REEP3: variants seen among roughly 807,000 people sequenced by gnomAD.
The protein encoded by REEP3 is receptor expression-enhancing protein 3.
Under a neutral mutation model 41.3 loss-of-function variants are expected in REEP3, and 20 were observed. The observed-to-expected ratio is 0.48, with a 90% CI of 0.34 to 0.70. The LOEUF (loss-of-function observed/expected upper bound fraction) is 0.70, where lower values mean the gene tolerates loss of function less well. REEP3 is among the 30% of genes least tolerant of loss of function. The pLI is 0.01. For missense variants in REEP3, 271 were observed against 308.8 expected, an observed-to-expected ratio of 0.88 and a Z score of 0.92; for synonymous variants, 104 against 101.8, an observed-to-expected ratio of 1.02 and a Z score of -0.13.
chr10:63,532,094 G>A (rs1955426246), intron 1 of REEP3, among the ~76,000 whole-genome samples: 1 of 152,168 alleles, frequency 6.6e-6, no homozygotes. Context: ...ACAAGTTATA[G>A]TTTTTCCTGG....
At chr10:63,567,546 T>G (rs1403961458) in intron 2 of REEP3, among the ~76,000 whole-genome samples, 1 of 152,222 alleles carries the variant, frequency 6.6e-6, no homozygotes, top group Non-Finnish European at 1.5e-5. Context: ...CTGAGTAACA[T>G]TCTACTGTAT....
At chr10:63,569,096 C>G (rs1450154518) in intron 2 of REEP3, among the ~76,000 whole-genome samples, 6 of 152,110 alleles carry the variant, frequency 3.9e-5, no homozygotes, top group Non-Finnish European at 7.3e-5. Flanking sequence ...TTGTACAATT[C>G]CATAGACAAC....
At chr10:63,543,645 G>A (rs1399510561) in intron 1 of REEP3, among the ~76,000 whole-genome samples, 5 of 152,106 alleles carry the variant, frequency 3.3e-5, no homozygotes. Flanking sequence ...CCTATCCACA[G>A]TAAAGAAAGG....
intron 5 of REEP3, 55 bp from the exon 6 acceptor site, chr10:63,610,132 A>G (rs1956266436): frequency 1.4e-6 from 2 of 1,429,974 alleles, no homozygotes; most frequent in Admixed American, 4.2e-5. Flanking sequence ...AGGGATAGTT[A>G]AATGTAAGCA....
At chr10:63,599,141 AAACT>A in intron 4 of REEP3, 25 bp from the exon 5 acceptor site, 1 of 1,168,216 alleles carries the variant, frequency 8.6e-7, no homozygotes, top group Non-Finnish European at 1.2e-6. Context: ...TTTTTAAGTA[AAACT>A]AACATCTGTG....
chr10:63,545,410 C>G (rs1955567521), intron 1 of REEP3, among the ~76,000 whole-genome samples: 1 of 152,098 alleles, frequency 6.6e-6, no homozygotes, highest in Admixed American at 6.6e-5. Flanking sequence ...GAGTCTCGCT[C>G]TGTTGCCAGG....
intron 5 of REEP3, among the ~76,000 whole-genome samples, chr10:63,600,432 A>C (rs756192892): frequency 3.3e-5 from 5 of 152,222 alleles, no homozygotes; most frequent in Non-Finnish European, 7.3e-5. Flanking sequence ...TCAGCACTTT[A>C]ATATAGCATA....
rs546496702 is a variant in REEP3 at position 63,603,099 on chromosome 10, G to A, written c.417+3816G>A. Among the ~76,000 whole-genome samples, 127 of 150,810 alleles carry A rather than the reference G, an allele frequency of 8.4e-4. 1 individual carries two copies. Among genetic ancestry groups the A allele is most frequent in the Non-Finnish European group, 1.4e-3 (95 of 67,766 alleles). ...GAGGCTGAGGCGGGCGGATCACAAG[G>A]TCAGGAGATTGAGACCATCCTGGCT... On this transcript the variant is annotated intron_variant, in intron 5 of 7. Transcript: ENST00000373758.
chr10:63,618,331 C>T (rs535735895), intron 6 of REEP3, among the ~76,000 whole-genome samples: 19 of 149,232 alleles, frequency 1.3e-4, no homozygotes, highest in Non-Finnish European at 2.7e-4. Flanking sequence ...CTGCAAGCTC[C>T]GCCTCCCGGA....
At chr10:63,568,454 A>G (rs930289843) in intron 2 of REEP3, among the ~76,000 whole-genome samples, 2 of 151,934 alleles carry the variant, frequency 1.3e-5, no homozygotes, top group African/African-American at 4.8e-5. Flanking sequence ...TTTTTAATAC[A>G]GATGGGGTTT....
intron 2 of REEP3, among the ~76,000 whole-genome samples, chr10:63,576,041 T>C (rs1404051934): frequency 1.3e-5 from 2 of 152,246 alleles, no homozygotes; most frequent in Admixed American, 6.5e-5. Flanking sequence ...CCGGACATTT[T>C]CTTCTTTCTA....
At chr10:63,597,945 T>C in intron 3 of REEP3, 79 bp from the exon 4 acceptor site, 6 of 1,325,350 alleles carry the variant, frequency 4.5e-6, no homozygotes, top group Non-Finnish European at 5.2e-6. Flanking sequence ...GTGACTGAAC[T>C]TTTTAAAAGG....
chr10:63,522,824 T>A (rs1318121386), intron 1 of REEP3, among the ~76,000 whole-genome samples: 1 of 152,182 alleles, frequency 6.6e-6, no homozygotes, highest in Non-Finnish European at 1.5e-5. Flanking sequence ...TGTTCCCCTG[T>A]ACGAAACTAA....
chr10:63,592,422 T>A (rs1428212926), intron 2 of REEP3, among the ~76,000 whole-genome samples: 1 of 152,214 alleles, frequency 6.6e-6, no homozygotes, highest in Admixed American at 6.5e-5. Context: ...TCTTGTAATG[T>A]ATTTACAGGG....
chr10:63,617,458 GGCATGATCACA>G (rs1248484651), intron 6 of REEP3, among the ~76,000 whole-genome samples: 39 of 152,204 alleles, frequency 2.6e-4, no homozygotes, highest in African/African-American at 9.2e-4. Flanking sequence ...ATAATGCAGT[GGCATGATCACA>G]GCTCACTGCA....
intron 6 of REEP3, among the ~76,000 whole-genome samples, chr10:63,616,760 A>G (rs921359239): frequency 1.3e-5 from 2 of 152,152 alleles, no homozygotes; most frequent in Non-Finnish European, 2.9e-5. Context: ...CTGTTTTACC[A>G]TATTAGGATC....
intron 6 of REEP3, among the ~76,000 whole-genome samples, chr10:63,610,794 G>A (rs1956271890): frequency 6.6e-6 from 1 of 152,116 alleles, no homozygotes; most frequent in South Asian, 2.1e-4. Context: ...ACTCAGGCTG[G>A]GCACAGTGGC....
At chr10:63,591,127 G>GTTTTTTTTTTTTTTTT in intron 2 of REEP3, among the ~76,000 whole-genome samples, 1 of 135,954 alleles carries the variant, frequency 7.4e-6, no homozygotes, top group South Asian at 2.3e-4. Flanking sequence ...TTTTGTTTTT[G>GTTTTTTTTTTTTTTTT]TTTTTTTTTT....
intron 2 of REEP3, among the ~76,000 whole-genome samples, chr10:63,580,009 A>G (rs1039158097): frequency 3.3e-5 from 5 of 152,246 alleles, no homozygotes; most frequent in Admixed American, 2.0e-4. Context: ...CACAGGAGAA[A>G]TAATCATTGA....
Sources: allele counts gnomAD v4.1 joint callset (sites outside exome capture counted in the v4.1 genomes callset), GRCh38; gene constraint gnomAD v4.1.1; transcripts MANE v1.5; gene names NCBI Gene and HGNC (gene_info 2026-07-23, HGNC 2026-07-21).